The following ZNF608 variants were observed in gnomAD, a reference collection of about 807,000 sequenced individuals.
ZNF608 encodes the protein zinc finger protein 608.
A neutral mutation model predicts 109.0 loss-of-function variants in ZNF608; 12 were observed. The ratio of observed to expected loss-of-function variants is 0.11; its 90% CI spans 0.07 to 0.18. The LOEUF is 0.18. Among genes scored for constraint, ZNF608 ranks in the 10% least tolerant of loss-of-function variants. ZNF608 has a pLI of 1.00. For synonymous variants in ZNF608, 732 were observed against 717.4 expected, an observed-to-expected ratio of 1.02 and a Z score of -0.33; for missense variants, 1,707 against 1,879.3, an observed-to-expected ratio of 0.91 and a Z score of 1.70.
intron 2 of ZNF608, among the ~76,000 whole-genome samples, chr5:124,742,215 G>A (rs945659153): frequency 4.6e-5 from 7 of 152,154 alleles, no homozygotes; most frequent in Non-Finnish European, 7.3e-5. Context: ...CTGGAGAAAC[G>A]ACACCACGCT....
At chr5:124,734,983 TG>T (rs997945251) in intron 2 of ZNF608, 2 of 152,144 alleles carry the variant, frequency 1.3e-5, no homozygotes, top group Non-Finnish European at 2.9e-5. Context: ...TATTAAGTGA[TG>T]GGGGGCAACC....
At chr5:124,718,105 T>G (rs1212033485) in intron 2 of ZNF608, among the ~76,000 whole-genome samples, 1 of 152,192 alleles carries the variant, frequency 6.6e-6, no homozygotes, top group East Asian at 1.9e-4. Flanking sequence ...GCCTCTTCTC[T>G]TCTTCTTTCA....
At chr5:124,693,417 G>T (rs1041350040) in intron 3 of ZNF608, among the ~76,000 whole-genome samples, 1 of 152,038 alleles carries the variant, frequency 6.6e-6, no homozygotes, top group Non-Finnish European at 1.5e-5. Flanking sequence ...ACAAGATAGC[G>T]CTTACATCTT....
At chr5:124,748,702 A>G, upstream of ZNF608, 1 of 537,858 alleles carries the variant, frequency 1.9e-6, no homozygotes, top group Non-Finnish European at 2.4e-6. Flanking sequence ...GCAAAAATTA[A>G]AATTTAAAAA....
At chr5:124,662,108 A>T (rs1360807145) in intron 3 of ZNF608, among the ~76,000 whole-genome samples, 2 of 152,216 alleles carry the variant, frequency 1.3e-5, no homozygotes, top group Non-Finnish European at 2.9e-5. Flanking sequence ...ATCAATTCTG[A>T]AACTCCTGAA....
intron 2 of ZNF608, among the ~76,000 whole-genome samples, chr5:124,737,965 C>T (rs896934950): frequency 3.9e-5 from 6 of 152,194 alleles, no homozygotes; most frequent in Non-Finnish European, 8.8e-5. Flanking sequence ...GAATTAGACA[C>T]AGAGGGAGAG....
upstream of ZNF608, among the ~76,000 whole-genome samples, chr5:124,747,050 T>C (rs1749665718): frequency 6.6e-6 from 1 of 152,108 alleles, no homozygotes; most frequent in Non-Finnish European, 1.5e-5. Context: ...TATGTTGTTT[T>C]AAGAAAAAGG....
intron 2 of ZNF608, among the ~76,000 whole-genome samples, chr5:124,722,792 T>A (rs1753985739): frequency 6.6e-6 from 1 of 152,180 alleles, no homozygotes; most frequent in South Asian, 2.1e-4. Flanking sequence ...TTAGGAAGCC[T>A]GAGACTGAAT....
intron 2 of ZNF608, among the ~76,000 whole-genome samples, chr5:124,701,865 G>C (rs1417945181): frequency 6.6e-6 from 1 of 152,158 alleles, no homozygotes; most frequent in Non-Finnish European, 1.5e-5. Context: ...CTATTGCAAA[G>C]TTTAGCAGAA....
intron 2 of ZNF608, among the ~76,000 whole-genome samples, chr5:124,730,965 T>C (rs1748867791): frequency 6.6e-6 from 1 of 152,236 alleles, no homozygotes; most frequent in Non-Finnish European, 1.5e-5. Flanking sequence ...GGATTAAAAC[T>C]GTAGAGCAAT....
chr5:124,679,375 C>T lies in ZNF608; in HGVS notation c.1162+21639G>A, dbSNP rs192145740. Reference sequence around the variant, plus strand: ...CTTCCTTCCCTTCCCTTCCTTCCTTCCTTCCCTCCCTCCTTCCTTCTTTCC... The same window carrying T: ...CTTCCTTCCCTTCCCTTCCTTCCTTTCTTCCCTCCCTCCTTCCTTCTTTCC... On this transcript the variant is annotated intron_variant, in intron 3 of 9. Coordinates refer to ENST00000513986, the MANE Select transcript of ZNF608 (RefSeq NM_020747.3). Among the ~76,000 whole-genome samples, 1,326 of 151,882 alleles carry T rather than the reference C, an allele frequency of 8.7e-3. 13 individuals carry two copies. The highest frequency in any genetic ancestry group is 0.013 in the Non-Finnish European group (915 of 67,930).
chr5:124,701,380 A>G, intron 2 of ZNF608, 111 bp from the exon 3 acceptor site: 4 of 1,363,994 alleles, frequency 2.9e-6, no homozygotes, highest in Non-Finnish European at 4.0e-6. Context: ...TCCATTTGCA[A>G]TTATAATATG....
chr5:124,739,954 AAGT>A (rs1229180862), intron 2 of ZNF608, among the ~76,000 whole-genome samples: 1 of 152,198 alleles, frequency 6.6e-6, no homozygotes, highest in Non-Finnish European at 1.5e-5. Context: ...TAGGAAAAAT[AAGT>A]CTTTATAACA....
intron 2 of ZNF608, among the ~76,000 whole-genome samples, chr5:124,716,347 G>A (rs1182512159): frequency 3.4e-5 from 5 of 147,916 alleles, no homozygotes; most frequent in African/African-American, 1.3e-4. Context: ...AAAAAAAAAA[G>A]AGGGGATTTC....
chr5:124,685,274 G>C (rs976334286), intron 3 of ZNF608, among the ~76,000 whole-genome samples: 1 of 151,590 alleles, frequency 6.6e-6, no homozygotes, highest in African/African-American at 2.4e-5. Context: ...CCTACCAACT[G>C]GCCTGGCACT....
chr5:124,713,488 C>A (rs138618472), intron 2 of ZNF608, among the ~76,000 whole-genome samples: 54 of 152,288 alleles, frequency 3.5e-4, no homozygotes, highest in Middle Eastern at 3.4e-3. Flanking sequence ...GTTATTCTCT[C>A]CCACAAAAAG....
intron 2 of ZNF608, among the ~76,000 whole-genome samples, chr5:124,739,236 G>A (rs990375485): frequency 6.6e-6 from 1 of 152,092 alleles, no homozygotes; most frequent in Non-Finnish European, 1.5e-5. Flanking sequence ...AACAAAGGCC[G>A]GATAATGTTT....
chr5:124,731,032 T>C (rs1230002254), intron 2 of ZNF608, among the ~76,000 whole-genome samples: 1 of 152,254 alleles, frequency 6.6e-6, no homozygotes, highest in Admixed American at 6.5e-5. Flanking sequence ...CATGTTTATC[T>C]TTGCACTTTT....
chr5:124,669,972 A>G (rs1000342179), intron 3 of ZNF608, among the ~76,000 whole-genome samples: 26 of 152,314 alleles, frequency 1.7e-4, no homozygotes, highest in African/African-American at 6.0e-4. Context: ...TATTTTGGGG[A>G]CTGGGTTGCA....
Sources: allele counts gnomAD v4.1 joint callset (sites outside exome capture counted in the v4.1 genomes callset), GRCh38; gene constraint gnomAD v4.1.1; transcripts MANE v1.5; gene names NCBI Gene and HGNC (gene_info 2026-07-23, HGNC 2026-07-21).